TRMT9B: variants seen among roughly 807,000 people sequenced by gnomAD.
TRMT9B encodes probable tRNA methyltransferase 9B.
A neutral mutation model predicts 11.5 loss-of-function variants in TRMT9B; 16 were observed. The observed-to-expected ratio is 1.39, with a 90% CI of 0.94 to 2.11. TRMT9B has a LOEUF of 2.11. Ranked by LOEUF, TRMT9B falls within the 30% of genes most tolerant of loss-of-function variation. The pLI is 0.00. For synonymous variants in TRMT9B, 274 were observed against 192.4 expected (o/e 1.42, Z -3.51); for missense variants, 941 against 553.8 (o/e 1.70, Z -7.02).
chr8:12,956,966 CA>C (rs368226222), intron 1 of TRMT9B, among the ~76,000 whole-genome samples: 5 of 152,202 alleles, frequency 3.3e-5, no homozygotes, highest in African/African-American at 1.2e-4. Flanking sequence ...GATTATTGAA[CA>C]AAATTTTGTT....
intron 1 of TRMT9B, among the ~76,000 whole-genome samples, chr8:12,970,460 T>C (rs1437042598): frequency 6.6e-6 from 1 of 152,228 alleles, no homozygotes. Context: ...CAATCCAATT[T>C]CATGGCTTGG....
At chr8:12,953,389 G>T (rs770425415) in intron 1 of TRMT9B, among the ~76,000 whole-genome samples, 1 of 151,908 alleles carries the variant, frequency 6.6e-6, no homozygotes, top group Non-Finnish European at 1.5e-5. Flanking sequence ...TCACTCTATC[G>T]CCTAGGCTGG....
Position 13,021,853 on chromosome 8 carries a change from A to G in TRMT9B, c.1174A>G (p.Thr392Ala), listed in dbSNP as rs746904788. 27 of 1,613,898 alleles carry G rather than the reference A, an allele frequency of 1.7e-5. No homozygotes were observed. The Middle Eastern group carries it at 6.6e-4, about 39-fold the overall frequency. Residue 392 changes from threonine (T) to alanine (A), a missense_variant, in exon 5 of 5, where the codon ACA becomes GCA. Physicochemically the swap from Thr to Ala is moderately conservative, Grantham distance 58. Coordinates refer to ENST00000524591, the MANE Select transcript of TRMT9B (RefSeq NM_020844.3). ...VDSTDFNPDDTMSVEDPQTDV... is the reference protein window; with the variant it reads ...VDSTDFNPDDAMSVEDPQTDV... Reference sequence around the variant, plus strand: ...TTCCACAGATTTCAACCCAGATGATACAATGTCTGTCGAAGATCCACAGAC... The same window carrying G: ...TTCCACAGATTTCAACCCAGATGATGCAATGTCTGTCGAAGATCCACAGAC...
rs184970611 is a variant in TRMT9B, at chr8:12,965,631, G to A, written c.-200+19665G>A. 2.3e-3 allele frequency among the ~76,000 whole-genome samples: 343 copies of A among 149,386 alleles called. 7 individuals are homozygous for A. The highest frequency in any genetic ancestry group is 0.015 in the Admixed American group (229 of 15,000). ...GTTGTCTGATTTTTTTTTTTTTTAA[G>A]CCCAAGGTAGACTACAAGCAGGAAA... On this transcript the variant is annotated intron_variant, in intron 1 of 4. Transcript: ENST00000524591.
Position 13,012,814 on chromosome 8 carries a change from C to A in TRMT9B, c.285C>A (p.Leu95=), listed in dbSNP as rs1244563792. ...CCATGGTATGTGACAACCTTAATCT[C>A]CCCTTTAGGGATGAGGGCTTCGATG... ...CEAMVCDNLN[L]PFRDEGFDAI... The change falls in exon 4 of 5, where the codon CTC becomes CTA. Residue 95 remains leucine, a synonymous_variant. Coordinates refer to ENST00000524591, the MANE Select transcript of TRMT9B (RefSeq NM_020844.3). The A allele has an allele frequency of 6.2e-7, 1 of 1,613,926 alleles. No homozygotes were observed. The highest frequency in any genetic ancestry group is 1.1e-5 in the South Asian group (1 of 91,066).
chr8:12,946,597 G>A (rs1800276834), intron 1 of TRMT9B, among the ~76,000 whole-genome samples: 1 of 152,132 alleles, frequency 6.6e-6, no homozygotes, highest in African/African-American at 2.4e-5. Flanking sequence ...TGAGAGCATG[G>A]GATCTGCAGG....
rs1056027120 is a variant in TRMT9B at position 13,029,096 on chromosome 8, G to A, written c.*7052G>A. On this transcript the variant is annotated 3_prime_UTR_variant, in exon 5 of 5. Coordinates refer to ENST00000524591, the MANE Select transcript of TRMT9B (RefSeq NM_020844.3). Reference sequence around the variant, plus strand: ...AGACATCTAGTGTTTGCTGTCATTAGTGACCAAGAAAAAGTAGTTCTTTTG... The same window carrying A: ...AGACATCTAGTGTTTGCTGTCATTAATGACCAAGAAAAAGTAGTTCTTTTG... The A allele has an allele frequency of 6.0e-6, 1 of 166,770 alleles. No homozygotes were observed. Among genetic ancestry groups the A allele is most frequent in the African/African-American group, 2.4e-5 (1 of 41,370 alleles). 10.3% of individuals were successfully genotyped at this position (166,770 alleles called of 1,614,324 possible).
intron 1 of TRMT9B, among the ~76,000 whole-genome samples, chr8:12,968,367 A>G (rs1163986479): frequency 6.6e-6 from 1 of 152,178 alleles, no homozygotes; most frequent in Non-Finnish European, 1.5e-5. Context: ...AGAAAGCCTC[A>G]GGCTTGTTGT....
chr8:12,951,746 C>G (rs1455030330), intron 1 of TRMT9B: 1 of 151,952 alleles, frequency 6.6e-6, no homozygotes. Flanking sequence ...CGCGGGCGGT[C>G]TCCCGACGGC....
At chr8:13,017,473 A>G (rs552203906) in intron 4 of TRMT9B, among the ~76,000 whole-genome samples, 1 of 152,246 alleles carries the variant, frequency 6.6e-6, no homozygotes, top group African/African-American at 2.4e-5. Context: ...AAAAAATTCA[A>G]CATAGTTTCC....
At chr8:12,962,691 A>G (rs570436037) in intron 1 of TRMT9B, among the ~76,000 whole-genome samples, 123 of 152,176 alleles carry the variant, frequency 8.1e-4, no homozygotes, top group Middle Eastern at 6.8e-3. Context: ...GGGTCTCGCT[A>G]TGTTGTCCAG....
chr8:13,013,753 C>G (rs1434498035), intron 4 of TRMT9B, among the ~76,000 whole-genome samples: 2 of 152,068 alleles, frequency 1.3e-5, no homozygotes, highest in Non-Finnish European at 2.9e-5. Flanking sequence ...GAGATCGAGA[C>G]CAGCCTGGCC....
chr8:12,974,973 G>A (rs745747266), intron 1 of TRMT9B, among the ~76,000 whole-genome samples: 1 of 151,468 alleles, frequency 6.6e-6, no homozygotes, highest in Non-Finnish European at 1.5e-5. Context: ...AAGGAAGCAG[G>A]GAAGTTAGGG....
rs550974254 is a variant in TRMT9B at position 12,998,196 on chromosome 8, T to C, written c.-2+7165T>C. 2.6e-5 allele frequency among the ~76,000 whole-genome samples: 4 copies of C among 152,364 alleles called. No homozygotes were observed. In the East Asian group the frequency reaches 7.7e-4, roughly 29 times the overall value. On this transcript the variant is annotated intron_variant, in intron 2 of 4. Transcript: ENST00000524591. ...CTTCTTCACACTCTGGGTTGAATTT[T>C]CCTTCTCTTCATGGTGTCTTCATTT...
At chr8:12,973,752 C>T (rs748920037) in intron 1 of TRMT9B, among the ~76,000 whole-genome samples, 3 of 152,140 alleles carry the variant, frequency 2.0e-5, no homozygotes, top group Non-Finnish European at 2.9e-5. Flanking sequence ...AGCGTCTGCA[C>T]AGAGCCAGTG....
chr8:12,982,806 G>A (rs1379128652), intron 1 of TRMT9B, among the ~76,000 whole-genome samples: 4 of 152,076 alleles, frequency 2.6e-5, no homozygotes, highest in Non-Finnish European at 4.4e-5. Flanking sequence ...TGGAAGTCAC[G>A]CCTGACTTCA....
At chr8:12,948,430 C>T (rs994706250) in intron 1 of TRMT9B, among the ~76,000 whole-genome samples, 17 of 147,532 alleles carry the variant, frequency 1.2e-4, no homozygotes, top group Non-Finnish European at 7.4e-5. Context: ...ATAATATATT[C>T]TGTTATATAT....
At chr8:12,991,410 A>G (rs1290166757) in intron 2 of TRMT9B, among the ~76,000 whole-genome samples, 1 of 152,176 alleles carries the variant, frequency 6.6e-6, no homozygotes, top group Non-Finnish European at 1.5e-5. Context: ...GCATTTTGTA[A>G]TTAGGTCTTT....
intron 1 of TRMT9B, among the ~76,000 whole-genome samples, chr8:12,964,378 C>T (rs932742053): frequency 6.6e-6 from 1 of 152,218 alleles, no homozygotes; most frequent in Non-Finnish European, 1.5e-5. Flanking sequence ...CTCACCAGAA[C>T]ATTTCCATCC....
Sources: gnomAD v4.1 joint callset for allele counts (sites outside exome capture counted in the v4.1 genomes callset) on GRCh38, gnomAD v4.1.1 for gene constraint, MANE v1.5 for transcripts, NCBI Gene and HGNC (gene_info 2026-07-23, HGNC 2026-07-21) for gene names.